Variants in KCNMA1 observed in about 807,000 individuals in gnomAD.
KCNMA1 encodes potassium calcium-activated channel subfamily M alpha 1, also known as Calcium-activated potassium channel subunit alpha-1.
In KCNMA1, 29 loss-of-function variants were observed where a neutral mutation model predicts 140.0. The observed-to-expected ratio is 0.21, with a 90% CI of 0.15 to 0.28. The LOEUF (loss-of-function observed/expected upper bound fraction) is 0.28, where lower values mean the gene tolerates loss of function less well. KCNMA1 is among the 10% of genes least tolerant of loss of function. The pLI, the probability that KCNMA1 is intolerant of heterozygous loss-of-function variation, is 1.00. For missense variants in KCNMA1, 880 were observed against 1,602.2 expected (o/e 0.55, Z 7.70); for synonymous variants, 612 against 611.9 (o/e 1.00, Z 0.00).
rs187811036 is a variant in KCNMA1, at chr10:77,077,247, G to C, written c.1593+2234C>G. Among the ~76,000 whole-genome samples, 8 of 152,286 alleles carry C rather than the reference G, an allele frequency of 5.3e-5. 1 individual carries two copies. The highest frequency in any genetic ancestry group is 4.6e-4 in the Admixed American group (7 of 15,296). On this transcript the variant is annotated intron_variant, in intron 13 of 27. Transcript: ENST00000286628. Reference sequence around the variant, plus strand: ...AAGAACAACAACAACAAAATGCCCTGTGTCAAAGTCACTCTATTCCCTGTG... The same window carrying C: ...AAGAACAACAACAACAAAATGCCCTCTGTCAAAGTCACTCTATTCCCTGTG...
At chr10:76,906,174 G>A (rs2047756822) in intron 25 of KCNMA1, among the ~76,000 whole-genome samples, 1 of 151,948 alleles carries the variant, frequency 6.6e-6, no homozygotes, top group Admixed American at 6.5e-5. Flanking sequence ...CAGGGTCCAA[G>A]TGGAGCTTAA....
intron 2 of KCNMA1, among the ~76,000 whole-genome samples, chr10:77,254,713 C>T (rs2060369212): frequency 6.6e-6 from 1 of 152,142 alleles, no homozygotes. Flanking sequence ...CCCAAAATGT[C>T]CTTCCTTTCT....
At chr10:77,200,412 T>C (rs1357655726) in intron 3 of KCNMA1, among the ~76,000 whole-genome samples, 2 of 152,218 alleles carry the variant, frequency 1.3e-5, no homozygotes, top group Admixed American at 1.3e-4. Context: ...ATGCACATAC[T>C]AAGATGAGCA....
At chr10:77,174,873 A>G (rs550092664) in intron 5 of KCNMA1, among the ~76,000 whole-genome samples, 5 of 152,344 alleles carry the variant, frequency 3.3e-5, no homozygotes, top group Non-Finnish European at 5.9e-5. Context: ...CTTCAGACAC[A>G]ACTGAGAAAC....
At chr10:76,996,062 G>T (rs1248804035) in intron 19 of KCNMA1, among the ~76,000 whole-genome samples, 1 of 151,872 alleles carries the variant, frequency 6.6e-6, no homozygotes, top group Non-Finnish European at 1.5e-5. Flanking sequence ...CTCTTTTTTT[G>T]GAAGGTGGTG....
At chr10:76,873,283 A>G (rs1316473511), downstream of KCNMA1, 1 of 152,184 alleles carries the variant, frequency 6.6e-6, no homozygotes, top group South Asian at 2.1e-4. Flanking sequence ...ATCAGAAGAG[A>G]CTCCACTTAA....
chr10:77,131,399 A>C (rs1189550138), intron 5 of KCNMA1, among the ~76,000 whole-genome samples: 1 of 151,852 alleles, frequency 6.6e-6, no homozygotes, highest in African/African-American at 2.4e-5. Flanking sequence ...CAAACAAAAA[A>C]ACACTGTCAA....
At chr10:77,013,240 G>T (rs932275651) in intron 17 of KCNMA1, among the ~76,000 whole-genome samples, 1 of 152,146 alleles carries the variant, frequency 6.6e-6, no homozygotes, top group African/African-American at 2.4e-5. Flanking sequence ...TGGAGATCCT[G>T]CAGCCTAAAT....
chr10:76,934,079 T>G (rs1429126633), intron 23 of KCNMA1, among the ~76,000 whole-genome samples: 1 of 152,164 alleles, frequency 6.6e-6, no homozygotes, highest in Non-Finnish European at 1.5e-5. Context: ...TTCATGTGAT[T>G]CTCCTGCCTC....
chr10:77,572,139 G>C (rs1035003615), intron 1 of KCNMA1, among the ~76,000 whole-genome samples: 1 of 152,104 alleles, frequency 6.6e-6, no homozygotes, highest in Non-Finnish European at 1.5e-5. Context: ...CTCTGTCTCC[G>C]TATCTTTCTG....
chr10:77,262,965 C>A (rs1171235134), intron 2 of KCNMA1, among the ~76,000 whole-genome samples: 1 of 152,168 alleles, frequency 6.6e-6, no homozygotes, highest in Non-Finnish European at 1.5e-5. Context: ...TGTACCCTTA[C>A]AAATGGCTGA....
intron 1 of KCNMA1, among the ~76,000 whole-genome samples, chr10:77,542,320 CCTT>C (rs1194783053): frequency 1.3e-5 from 2 of 152,102 alleles, no homozygotes; most frequent in Admixed American, 6.5e-5. Context: ...AGACATAAGC[CCTT>C]CTTCTGCATA....
chr10:77,116,446 T>G (rs996601551), intron 6 of KCNMA1, among the ~76,000 whole-genome samples: 1 of 152,048 alleles, frequency 6.6e-6, no homozygotes, highest in Admixed American at 6.6e-5. Context: ...ACACAGAAAA[T>G]GCCATGCACT....
At chr10:77,614,296 ATGCCACG>A (rs1164323677) in intron 1 of KCNMA1, among the ~76,000 whole-genome samples, 2 of 152,192 alleles carry the variant, frequency 1.3e-5, no homozygotes, top group Non-Finnish European at 2.9e-5. Flanking sequence ...CACCAGAGAC[ATGCCACG>A]TGTTTGGTGC....
chr10:77,242,919 C>T (rs894944914), intron 3 of KCNMA1, among the ~76,000 whole-genome samples: 2 of 151,694 alleles, frequency 1.3e-5, no homozygotes, highest in Non-Finnish European at 2.9e-5. Flanking sequence ...CACACACACA[C>T]ACACACACAC....
intron 9 of KCNMA1, among the ~76,000 whole-genome samples, chr10:77,097,903 T>G (rs1053799704): frequency 3.3e-5 from 5 of 152,120 alleles, no homozygotes; most frequent in Non-Finnish European, 5.9e-5. Flanking sequence ...GGGGCAGAAG[T>G]CTGAGCAAAT....
In KCNMA1 at chr10:76,953,552, G is replaced by C. The variant is rs3816025; in HGVS notation, c.2484+249C>G. On this transcript the variant is annotated intron_variant, in intron 21 of 27. Coordinates refer to ENST00000286628, the MANE Select transcript of KCNMA1 (RefSeq NM_001161352.2). The stretch of plus-strand genomic sequence containing the variant: ...TATGTTCATACCACCTCCCACCATG[G>C]CTTTCCCACAGCAAGTGCTCACCTA... 0.8 allele frequency among the ~76,000 whole-genome samples: 121,527 copies of C among 152,158 alleles called. 48,767 individuals are homozygous for C. Among genetic ancestry groups the C allele is most frequent in the East Asian group, 0.97 (4,993 of 5,174 alleles).
At chr10:77,105,246 G>A (rs532244128) in intron 9 of KCNMA1, among the ~76,000 whole-genome samples, 2 of 152,340 alleles carry the variant, frequency 1.3e-5, no homozygotes, top group South Asian at 4.2e-4. Context: ...CCTTGAAATA[G>A]TGTTGATGGT....
intron 2 of KCNMA1, among the ~76,000 whole-genome samples, chr10:77,399,091 C>T (rs2096173367): frequency 1.3e-5 from 2 of 152,136 alleles, no homozygotes; most frequent in South Asian, 2.1e-4. Context: ...CATAAGCCAC[C>T]GACTTGGCTC....
Sources: allele counts gnomAD v4.1 joint callset (sites outside exome capture counted in the v4.1 genomes callset), GRCh38; gene constraint gnomAD v4.1.1; transcripts MANE v1.5; gene names NCBI Gene and HGNC (gene_info 2026-07-23, HGNC 2026-07-21).